The following NDFIP2 variants were observed in gnomAD, a reference collection of about 807,000 sequenced individuals.
The protein encoded by NDFIP2 is NEDD4 family-interacting protein 2.
A neutral mutation model predicts 36.0 loss-of-function variants in NDFIP2; 19 were observed. The ratio of observed to expected loss-of-function variants is 0.53; its 90% CI spans 0.37 to 0.77. The LOEUF (loss-of-function observed/expected upper bound fraction) is 0.77. Ranked by LOEUF, NDFIP2 falls within the 30% of genes least tolerant of loss-of-function variation. NDFIP2 has a pLI of 0.00. For missense variants in NDFIP2, 446 were observed against 435.8 expected (o/e 1.02, Z -0.21); for synonymous variants, 181 against 167.7 (o/e 1.08, Z -0.61).
chr13:79,519,853 T>C (rs1013170300), intron 1 of NDFIP2, among the ~76,000 whole-genome samples: 2 of 152,208 alleles, frequency 1.3e-5, no homozygotes, highest in Non-Finnish European at 1.5e-5. Context: ...AAGGCTGGAG[T>C]GCATTGGCGC....
At chr13:79,495,442 T>C (rs963077631) in intron 1 of NDFIP2, among the ~76,000 whole-genome samples, 3 of 151,926 alleles carry the variant, frequency 2.0e-5, no homozygotes, top group Middle Eastern at 3.2e-3. Flanking sequence ...TTACATGATA[T>C]TAATAAAGCC....
At chr13:79,505,312 G>A (rs966870611) in intron 1 of NDFIP2, among the ~76,000 whole-genome samples, 1 of 152,180 alleles carries the variant, frequency 6.6e-6, no homozygotes, top group African/African-American at 2.4e-5. Context: ...ATGTGGGTGT[G>A]TTATCCTTAC....
chr13:79,520,340 T>C (rs1436358035), intron 1 of NDFIP2, among the ~76,000 whole-genome samples: 4 of 152,164 alleles, frequency 2.6e-5, no homozygotes, highest in African/African-American at 4.8e-5. Flanking sequence ...CTGTTACAAT[T>C]GCATACTTCC....
intron 1 of NDFIP2, among the ~76,000 whole-genome samples, chr13:79,517,744 T>A (rs1874408309): frequency 6.6e-6 from 1 of 152,236 alleles, no homozygotes; most frequent in African/African-American, 2.4e-5. Flanking sequence ...AGCTTATATA[T>A]AAAAGTGTTT....
chr13:79,513,260 A>G (rs898728230), intron 1 of NDFIP2, among the ~76,000 whole-genome samples: 1 of 152,126 alleles, frequency 6.6e-6, no homozygotes, highest in Non-Finnish European at 1.5e-5. Flanking sequence ...GAGTTATGGA[A>G]AGGATTTTAG....
At position 79,483,647 on chromosome 13, in the gene NDFIP2, G is replaced by A. The variant is rs183833448; in HGVS notation, c.321+2123G>A. Reference sequence around the variant, plus strand: ...TGTTAATTTTTCACTTACTTAAAGAGTTTAAAAACAGCTTTTCATACTGGA... The same window carrying A: ...TGTTAATTTTTCACTTACTTAAAGAATTTAAAAACAGCTTTTCATACTGGA... On this transcript the variant is annotated intron_variant, in intron 1 of 7. Coordinates refer to ENST00000218652, the MANE Select transcript of NDFIP2 (RefSeq NM_019080.3). Among the ~76,000 whole-genome samples, 45 of 152,298 alleles carry A rather than the reference G, an allele frequency of 3.0e-4. 1 individual carries two copies. Among genetic ancestry groups the A allele is most frequent in the Admixed American group, 2.9e-3 (45 of 15,296 alleles).
chr13:79,526,691 T>G (rs1874808920), intron 2 of NDFIP2, among the ~76,000 whole-genome samples: 1 of 152,144 alleles, frequency 6.6e-6, no homozygotes, highest in Non-Finnish European at 1.5e-5. Flanking sequence ...GAGAGGACTC[T>G]GAAAAGAATA....
intron 1 of NDFIP2, among the ~76,000 whole-genome samples, chr13:79,509,814 T>C (rs922755223): frequency 5.3e-5 from 8 of 152,112 alleles, no homozygotes; most frequent in Non-Finnish European, 7.4e-5. Context: ...AGTTGGAGTC[T>C]GATGTTTGAG....
At position 79,508,675 on chromosome 13, in the gene NDFIP2, A is replaced by T. The variant is rs115636405; in HGVS notation, c.322-12135A>T. 4.1e-3 allele frequency among the ~76,000 whole-genome samples: 622 copies of T among 152,254 alleles called. 7 individuals are homozygous for T. Among genetic ancestry groups the T allele is most frequent in the African/African-American group, 0.014 (598 of 41,556 alleles). ...TTCTTTACTGCAGACTGTTTTATTA[A>T]CAAGGTCTTTATGACCTGTAACTTG... On this transcript the variant is annotated intron_variant, in intron 1 of 7. Coordinates refer to ENST00000218652, the MANE Select transcript of NDFIP2 (RefSeq NM_019080.3).
intron 7 of NDFIP2, among the ~76,000 whole-genome samples, chr13:79,551,356 G>C (rs560421480): frequency 7.3e-5 from 11 of 151,366 alleles, no homozygotes; most frequent in Non-Finnish European, 1.6e-4. Flanking sequence ...TACATAGCGA[G>C]TGAACTGAAA....
Position 79,481,542 on chromosome 13 carries a change from T to G in NDFIP2, c.321+18T>G. 1 of 1,540,534 alleles carries G rather than the reference T, an allele frequency of 6.5e-7. No individual in the cohort carries two copies. Among genetic ancestry groups the G allele is most frequent in the Non-Finnish European group, 8.7e-7 (1 of 1,143,582 alleles). ...ACCAGGTGGTGAGTTCCCGGCCTCC[T>G]GTGCCTCCCGGGACTGCCTCCCGCC... On this transcript the variant is annotated intron_variant, in intron 1 of 7. Transcript: ENST00000218652.
At chr13:79,516,311 C>T (rs528186823) in intron 1 of NDFIP2, among the ~76,000 whole-genome samples, 18 of 152,156 alleles carry the variant, frequency 1.2e-4, no homozygotes, top group Admixed American at 6.5e-4. Context: ...TGGGGTGCAG[C>T]GGTGCGATCA....
chr13:79,481,584 C>A lies in NDFIP2; in HGVS notation c.321+60C>A. 4.7e-6 allele frequency: 7 copies of A among 1,489,302 alleles called. No homozygotes were observed. The South Asian group carries it at 7.7e-5, about 16-fold the overall frequency. The allele number at this position is 1,489,302 out of a possible 1,614,324, so 92.3% of individuals were successfully genotyped here. On this transcript the variant is annotated intron_variant, in intron 1 of 7. Transcript: ENST00000218652. ...CCTCCCGCCGCGGCGTCCCGAGAGT[C>A]CCTTTCCTCAGGTTATTCCCGGAGG...
intron 2 of NDFIP2, among the ~76,000 whole-genome samples, chr13:79,532,244 G>T (rs894287673): frequency 1.3e-5 from 2 of 152,210 alleles, no homozygotes; most frequent in Non-Finnish European, 2.9e-5. Flanking sequence ...TGTTCAATGT[G>T]GAATTGCCGC....
chr13:79,548,506 T>C, intron 6 of NDFIP2, 112 bp downstream of exon 6: 2 of 857,072 alleles, frequency 2.3e-6, no homozygotes, highest in Non-Finnish European at 3.7e-6. Flanking sequence ...TGTAAAATTC[T>C]CATATTCAAA....
At chr13:79,539,807 T>C in intron 4 of NDFIP2, 32 bp downstream of exon 4, 1 of 1,562,418 alleles carries the variant, frequency 6.4e-7, no homozygotes, top group Non-Finnish European at 8.8e-7. Context: ...TTTTGGGTTG[T>C]TTTTATGAAT....
At chr13:79,509,684 T>TACAGAG (rs1221392541) in intron 1 of NDFIP2, among the ~76,000 whole-genome samples, 1 of 73,902 alleles carries the variant, frequency 1.4e-5, no homozygotes, top group Non-Finnish European at 2.6e-5. Context: ...TCGATATATA[T>TACAGAG]ATATATAGAG....
At chr13:79,532,465 C>A (rs73553419) in intron 2 of NDFIP2, among the ~76,000 whole-genome samples, 6,768 of 152,136 alleles carry the variant, frequency 0.044, 525 homozygotes, top group African/African-American at 0.16. Context: ...AGTTGATTGA[C>A]CTGTATAGCA....
intron 4 of NDFIP2, among the ~76,000 whole-genome samples, chr13:79,540,476 A>G (rs777097425): frequency 2.0e-5 from 3 of 152,178 alleles, no homozygotes; most frequent in Admixed American, 6.5e-5. Flanking sequence ...TAGAAACCCA[A>G]TATTCATTTA....
Sources: gnomAD v4.1 joint callset for allele counts (sites outside exome capture counted in the v4.1 genomes callset) on GRCh38, gnomAD v4.1.1 for gene constraint, MANE v1.5 for transcripts, NCBI Gene and HGNC (gene_info 2026-07-23, HGNC 2026-07-21) for gene names.